Variants in ALG13 observed in about 807,000 individuals in gnomAD.
ALG13 encodes the protein ALG13 UDP-N-acetylglucosaminyltransferase subunit.
Under a neutral mutation model 87.8 loss-of-function variants are expected in ALG13, and 11 were observed. The ratio of observed to expected loss-of-function variants is 0.13; its 90% CI spans 0.08 to 0.21. The LOEUF (loss-of-function observed/expected upper bound fraction) is 0.21, where lower values mean the gene tolerates loss of function less well. ALG13 is among the 10% of genes least tolerant of loss of function. The probability of loss-of-function intolerance (pLI) is 1.00; values close to 1 mark genes in which losing one functional copy is unlikely to be tolerated. For synonymous variants in ALG13, 320 were observed against 306.3 expected (o/e 1.04, Z -0.47); for missense variants, 756 against 866.1 (o/e 0.87, Z 1.60).
intron 7 of ALG13, among the ~76,000 whole-genome samples, chrX:111,712,745 C>T (rs1939993004): frequency 8.9e-6 from 1 of 111,970 alleles, no homozygotes; most frequent in South Asian, 3.7e-4. Flanking sequence ...ATTCAGATTT[C>T]AGTGTCTGTA....
chrX:111,693,121 A>G (rs1194450713), intron 3 of ALG13, among the ~76,000 whole-genome samples: 2 of 108,703 alleles, frequency 1.8e-5, no homozygotes, highest in Non-Finnish European at 3.8e-5. Context: ...GCTAATGGCT[A>G]ATTCCCTACG....
In ALG13 at chrX:111,727,379, T is replaced by A; in HGVS notation, c.2024T>A (p.Val675Asp). The A allele has an allele frequency of 8.3e-7, 1 of 1,210,669 alleles. No homozygotes were observed. The highest frequency in any genetic ancestry group is 1.8e-5 in the South Asian group (1 of 56,657). The change falls in exon 17 of 27, where the codon GTT becomes GAT. Residue 675 changes from valine (V) to aspartate (D), a missense_variant. Transcript: ENST00000394780. The part of the protein sequence containing the change: ...INRHNMPGPK[V>D]DFYPGPGKRC... ...AGGCACAACATGCCGGGCCCTAAAG[T>A]TGATTTTTACCCAGGCCCAGGTAAA...
chrX:111,725,422 A>G (rs1480849351), intron 15 of ALG13, among the ~76,000 whole-genome samples: 1 of 111,233 alleles, frequency 9.0e-6, no homozygotes. Flanking sequence ...GAAAAAAATG[A>G]TCTTGTGGAG....
intron 8 of ALG13, among the ~76,000 whole-genome samples, chrX:111,715,630 A>AT (rs1940469360): frequency 8.9e-6 from 1 of 112,328 alleles, no homozygotes. Context: ...AGGCAGAAGA[A>AT]TCACTTGAGC....
rs573127783 is a variant in ALG13 at position 111,686,258 on chromosome X, A to G, written c.383+1155A>G. 9.8e-5 allele frequency: 41 copies of G among 419,521 alleles called. No homozygotes were observed. The South Asian group carries it at 3.8e-3, about 39-fold the overall frequency. The allele number at this position is 419,521 out of a possible 1,213,427, so 34.6% of individuals were successfully genotyped here. On this transcript the variant is annotated intron_variant, in intron 3 of 26. Coordinates refer to ENST00000394780, the MANE Select transcript of ALG13 (RefSeq NM_001099922.3). ...TAAATGCCTCATAGAATTACTATAT[A>G]TGTGTATATATATATTTATTTACAT...
At chrX:111,695,535 A>AC (rs1936857123) in intron 3 of ALG13, among the ~76,000 whole-genome samples, 1 of 110,083 alleles carries the variant, frequency 9.1e-6, no homozygotes. Context: ...AAAAAAAAAA[A>AC]AAACAAACCC....
intron 10 of ALG13, among the ~76,000 whole-genome samples, chrX:111,719,188 G>A (rs1941077163): frequency 9.1e-6 from 1 of 109,920 alleles, no homozygotes. Context: ...CACCAAGCCC[G>A]GCTAATTTTT....
intron 23 of ALG13, 38 bp from the exon 24 acceptor site, chrX:111,744,630 G>T (rs757147123): frequency 1.3e-4 from 152 of 1,154,632 alleles, no homozygotes; most frequent in Non-Finnish European, 1.4e-4. Context: ...AGGTGTTATA[G>T]TTGTGTATTG....
chrX:111,687,523 C>G (rs1490826551), intron 3 of ALG13, among the ~76,000 whole-genome samples: 1 of 111,922 alleles, frequency 8.9e-6, no homozygotes, highest in Non-Finnish European at 1.9e-5. Flanking sequence ...GCAGCTATTA[C>G]TTTTGGTTTC....
intron 11 of ALG13, 85 bp from the exon 12 acceptor site, chrX:111,721,518 A>G: frequency 2.4e-6 from 1 of 422,831 alleles, no homozygotes; most frequent in Non-Finnish European, 4.1e-6. Context: ...TTCCTTCTTC[A>G]TAGAAGGAAG....
At chrX:111,724,551 T>C (rs1941756108) in intron 14 of ALG13, among the ~76,000 whole-genome samples, 2 of 112,325 alleles carry the variant, frequency 1.8e-5, no homozygotes, top group African/African-American at 6.5e-5. Context: ...CGTGCATCCA[T>C]GATCATAGGG....
chrX:111,721,704 C>A lies in ALG13; in HGVS notation c.1428C>A (p.Ser476Arg). ...TAGAATTTGATGTTTGGTTGGACAGCAGAAAAGGTAAAGAAATATCAACAG... is the reference window on the plus strand; with the variant it reads ...TAGAATTTGATGTTTGGTTGGACAGAAGAAAAGGTAAAGAAATATCAACAG... ...RNVEFDVWLDSRKELQKSDYM... is the reference protein window; with the variant it reads ...RNVEFDVWLDRRKELQKSDYM... The change falls in exon 12 of 27, where the codon AGC (serine) becomes AGA (arginine). Residue 476 changes from serine to arginine, a missense_variant. Ser to Arg is a moderately radical substitution (Grantham distance 110). Coordinates refer to ENST00000394780, the MANE Select transcript of ALG13 (RefSeq NM_001099922.3). 1 of 1,172,094 alleles carries A rather than the reference C, an allele frequency of 8.5e-7. No homozygotes were observed. Among genetic ancestry groups the A allele is most frequent in the Non-Finnish European group, 1.2e-6 (1 of 863,993 alleles).
chrX:111,757,405 T>C (rs1300358130), intron 25 of ALG13, 183 bp from the exon 26 acceptor site: 3 of 338,540 alleles, frequency 8.9e-6, no homozygotes, highest in African/African-American at 2.7e-5. Context: ...CTGCAAAAGA[T>C]CCTAAAGTTC....
intron 3 of ALG13, among the ~76,000 whole-genome samples, chrX:111,706,202 T>G (rs913059284): frequency 9.0e-6 from 1 of 111,724 alleles, no homozygotes; most frequent in Non-Finnish European, 1.9e-5. Context: ...GCTAATTTTT[T>G]GTATTTTTAG....
intron 2 of ALG13, among the ~76,000 whole-genome samples, chrX:111,683,544 G>T (rs1214207956): frequency 4.7e-5 from 5 of 107,286 alleles, no homozygotes. Flanking sequence ...TCACCGTGTT[G>T]CCCAGGCTGG....
At chrX:111,703,079 T>G (rs946876160) in intron 3 of ALG13, among the ~76,000 whole-genome samples, 5 of 111,041 alleles carry the variant, frequency 4.5e-5, no homozygotes, top group Non-Finnish European at 9.4e-5. Context: ...TTTATTGTTA[T>G]GTCCAGGGAT....
chrX:111,720,670 T>C (rs1189880322), intron 11 of ALG13, among the ~76,000 whole-genome samples: 1 of 111,741 alleles, frequency 8.9e-6, no homozygotes, highest in East Asian at 2.8e-4. Flanking sequence ...GAGGTGCTTA[T>C]AATTTTGGAA....
chrX:111,756,889 T>A (rs1442373020), intron 25 of ALG13, among the ~76,000 whole-genome samples: 1 of 112,085 alleles, frequency 8.9e-6, no homozygotes, highest in African/African-American at 3.2e-5. Flanking sequence ...CGCTTGCCCC[T>A]TCTGTTATGT....
chrX:111,745,601 T>G (rs1448869565), intron 24 of ALG13, among the ~76,000 whole-genome samples: 1 of 111,049 alleles, frequency 9.0e-6, no homozygotes, highest in African/African-American at 3.3e-5. Flanking sequence ...TTCCCTACCT[T>G]TAAACTTCCC....
Sources: allele counts gnomAD v4.1 joint callset (sites outside exome capture counted in the v4.1 genomes callset), GRCh38; gene constraint gnomAD v4.1.1; transcripts MANE v1.5; gene names NCBI Gene and HGNC (gene_info 2026-07-23, HGNC 2026-07-21).